The following KAT7 variants were observed in gnomAD, a reference collection of about 807,000 sequenced individuals.
The protein encoded by KAT7 is lysine acetyltransferase 7.
A neutral mutation model predicts 82.1 loss-of-function variants in KAT7; 10 were observed. The observed-to-expected ratio is 0.12, with a 90% CI of 0.08 to 0.21. The LOEUF (loss-of-function observed/expected upper bound fraction) is 0.21, where lower values mean the gene tolerates loss of function less well. Among genes scored for constraint, KAT7 ranks in the 10% least tolerant of loss-of-function variants. KAT7 has a pLI of 1.00. For missense variants in KAT7, 378 were observed against 760.9 expected (o/e 0.50, Z 5.92); for synonymous variants, 250 against 262.5 (o/e 0.95, Z 0.46).
rs1186988805 is a variant in KAT7 at position 49,811,565 on chromosome 17, G to A, written c.843G>A (p.Glu281=). The A allele has an allele frequency of 4.7e-6, 7 of 1,484,306 alleles. No homozygotes were observed. Among genetic ancestry groups the A allele is most frequent in the Non-Finnish European group, 6.4e-6 (7 of 1,102,362 alleles). 91.9% of individuals were successfully genotyped at this position (1,484,306 alleles called of 1,614,324 possible). Residue 281 remains glutamate, a synonymous_variant, in exon 7 of 15, where the codon GAG becomes GAA. Coordinates refer to ENST00000259021, the MANE Select transcript of KAT7 (RefSeq NM_007067.5). ...RNSGLSKEQK[E]KYMEHRQTYG... ...CTGGACTGAGCAAAGAACAGAAAGA[G>A]AAATATATGGTGAGGGAAAGTTAAA...
At chr17:49,795,891 G>A (rs2073949652) in intron 2 of KAT7, among the ~76,000 whole-genome samples, 1 of 152,030 alleles carries the variant, frequency 6.6e-6, no homozygotes, top group Non-Finnish European at 1.5e-5. Flanking sequence ...GGTCTGTACT[G>A]CATGGTTATA....
intron 2 of KAT7, among the ~76,000 whole-genome samples, chr17:49,794,091 T>C (rs1447578256): frequency 1.3e-5 from 2 of 152,214 alleles, no homozygotes; most frequent in Non-Finnish European, 2.9e-5. Flanking sequence ...AAGCAGTATG[T>C]TATGTACTAG....
intron 8 of KAT7, among the ~76,000 whole-genome samples, chr17:49,817,007 T>G (rs1248606623): frequency 6.6e-6 from 1 of 152,132 alleles, no homozygotes; most frequent in East Asian, 1.9e-4. Context: ...GAGTTTAGAT[T>G]CTAGAATTAT....
At chr17:49,796,269 A>C (rs2073954776) in intron 2 of KAT7, among the ~76,000 whole-genome samples, 1 of 152,252 alleles carries the variant, frequency 6.6e-6, no homozygotes, top group African/African-American at 2.4e-5. Flanking sequence ...TTGGTAATAG[A>C]ATATCTGTTT....
chr17:49,824,681 C>T (rs2074347465), intron 12 of KAT7: 1 of 152,168 alleles, frequency 6.6e-6, no homozygotes, highest in African/African-American at 2.4e-5. Flanking sequence ...ATTTTTAAGT[C>T]ACCTGAGAAG....
At chr17:49,800,010 CTTTTTTTTT>C (rs10694119) in intron 4 of KAT7, among the ~76,000 whole-genome samples, 2 of 98,438 alleles carry the variant, frequency 2.0e-5, no homozygotes, top group East Asian at 4.7e-4. Context: ...GTTTCCTGGC[CTTTTTTTTT>C]TTTTTTTTTT....
At chr17:49,818,441 G>T (rs931533528) in intron 9 of KAT7, among the ~76,000 whole-genome samples, 1 of 152,202 alleles carries the variant, frequency 6.6e-6, no homozygotes, top group East Asian at 1.9e-4. Flanking sequence ...AGAAGTATAT[G>T]TTGAATGGGT....
intron 9 of KAT7, among the ~76,000 whole-genome samples, chr17:49,819,924 G>A (rs1012306744): frequency 6.6e-6 from 1 of 152,220 alleles, no homozygotes; most frequent in African/African-American, 2.4e-5. Flanking sequence ...TGCTTCTTGA[G>A]TTGACAAAAA....
intron 10 of KAT7, 26 bp from the exon 11 acceptor site, chr17:49,821,624 C>G (rs780020538): frequency 2.5e-6 from 4 of 1,612,250 alleles, no homozygotes; most frequent in Non-Finnish European, 3.4e-6. Flanking sequence ...GTGGCCCACA[C>G]ATGAACTCTG....
Position 49,812,686 on chromosome 17 carries a change from C to T in KAT7, c.852+1112C>T, listed in dbSNP as rs151254809. Among the ~76,000 whole-genome samples the T allele has an allele frequency of 4.8e-3, 731 of 152,122 alleles. 3 individuals are homozygous for T. The highest frequency in any genetic ancestry group is 7.8e-3 in the Non-Finnish European group (532 of 67,986). Reference sequence around the variant, plus strand: ...ATTTTGATGTGTGTTCTTTCACAGTCTTTTTCTTTTTCTTTCTTTTTGAGA... The same window carrying T: ...ATTTTGATGTGTGTTCTTTCACAGTTTTTTTCTTTTTCTTTCTTTTTGAGA... On this transcript the variant is annotated intron_variant, in intron 7 of 14. Coordinates refer to ENST00000259021, the MANE Select transcript of KAT7 (RefSeq NM_007067.5).
At chr17:49,825,959 T>A (rs199503657) in intron 12 of KAT7, 41 bp from the exon 13 acceptor site, 1 of 1,586,004 alleles carries the variant, frequency 6.3e-7, no homozygotes, top group Non-Finnish European at 8.6e-7. Context: ...TAGGATAAGA[T>A]CGAGTGTTGC....
intron 4 of KAT7, among the ~76,000 whole-genome samples, chr17:49,804,195 T>C (rs1427226095): frequency 2.0e-5 from 3 of 151,484 alleles, no homozygotes; most frequent in East Asian, 3.9e-4. Flanking sequence ...CTGGCTAACA[T>C]GGTGAAACCC....
intron 7 of KAT7, among the ~76,000 whole-genome samples, chr17:49,812,330 T>C (rs2074177344): frequency 6.8e-6 from 1 of 147,518 alleles, no homozygotes; most frequent in African/African-American, 2.5e-5. Flanking sequence ...GCTCAAGTAA[T>C]TCTCCCGCCT....
intron 12 of KAT7, 77 bp from the exon 13 acceptor site, chr17:49,825,923 C>A: frequency 6.9e-7 from 1 of 1,459,116 alleles, no homozygotes; most frequent in Non-Finnish European, 9.3e-7. Context: ...AACCTTCTTC[C>A]ATGTTGGCAC....
At position 49,816,836 on chromosome 17, in the gene KAT7, G is replaced by A. The variant is rs150678388; in HGVS notation, c.963+923G>A. On this transcript the variant is annotated intron_variant, in intron 8 of 14. Coordinates refer to ENST00000259021, the MANE Select transcript of KAT7 (RefSeq NM_007067.5). ...CCGAATTTTTTTTTTTTCTGAGACA[G>A]GGTTTTGCCCTGTTGCCCAAACTGG... Among the ~76,000 whole-genome samples, 7 of 151,892 alleles carry A rather than the reference G, an allele frequency of 4.6e-5. No homozygotes were observed. In the East Asian group the frequency reaches 7.7e-4, roughly 17 times the overall value.
intron 6 of KAT7, among the ~76,000 whole-genome samples, 160 bp downstream of exon 6, chr17:49,809,368 TA>T (rs1360940571): frequency 6.6e-6 from 1 of 152,224 alleles, no homozygotes; most frequent in African/African-American, 2.4e-5. Context: ...TAAATTTTCA[TA>T]AAACAAACAC....
intron 12 of KAT7, among the ~76,000 whole-genome samples, chr17:49,824,235 A>G (rs1335537226): frequency 2.0e-5 from 3 of 152,240 alleles, no homozygotes; most frequent in Non-Finnish European, 2.9e-5. Flanking sequence ...TTTATAAAAC[A>G]TAACTGCTGT....
At chr17:49,795,245 A>G (rs189362389) in intron 2 of KAT7, 2 of 156,034 alleles carry the variant, frequency 1.3e-5, no homozygotes, top group South Asian at 2.0e-4. Flanking sequence ...TCAGAACATC[A>G]CAGTATACTC....
intron 6 of KAT7, among the ~76,000 whole-genome samples, chr17:49,810,328 C>T (rs2074146559): frequency 6.6e-6 from 1 of 152,176 alleles, no homozygotes; most frequent in South Asian, 2.1e-4. Context: ...GTGATCTCAG[C>T]TCACTGCAAC....
Sources: gnomAD v4.1 joint callset for allele counts (sites outside exome capture counted in the v4.1 genomes callset) on GRCh38, gnomAD v4.1.1 for gene constraint, MANE v1.5 for transcripts, NCBI Gene and HGNC (gene_info 2026-07-23, HGNC 2026-07-21) for gene names.